The following ZDHHC9 variants were observed in gnomAD, a reference collection of about 807,000 sequenced individuals.
The protein encoded by ZDHHC9 is zDHHC palmitoyltransferase 9, also known as palmitoyltransferase ZDHHC9.
In ZDHHC9, 3 loss-of-function variants were observed where a neutral mutation model predicts 26.6. The ratio of observed to expected loss-of-function variants is 0.11; its 90% CI spans 0.05 to 0.29. ZDHHC9 has a LOEUF of 0.29. Ranked by LOEUF, ZDHHC9 falls within the 10% of genes least tolerant of loss-of-function variation. The probability of loss-of-function intolerance (pLI) is 1.00; values close to 1 mark genes in which losing one functional copy is unlikely to be tolerated. For missense variants in ZDHHC9, 146 were observed against 296.4 expected (o/e 0.49, Z 3.73); for synonymous variants, 111 against 109.4 (o/e 1.01, Z -0.09).
intron 3 of ZDHHC9, 22 bp from the exon 4 acceptor site, chrX:129,829,163 G>T (rs1198135410): frequency 1.7e-6 from 2 of 1,208,095 alleles, no homozygotes; most frequent in Admixed American, 2.2e-5. Context: ...AGGCAATTCA[G>T]CATTTAATGA....
chrX:129,841,977 C>A lies in ZDHHC9; in HGVS notation c.-32G>T. ...AATTCCTGCTCCAAAATGGGTTTTG[C>A]GATTACACGAGAGAAGAAACAGAGG... On this transcript the variant is annotated 5_prime_UTR_variant, in exon 3 of 11. Coordinates refer to ENST00000357166, the MANE Select transcript of ZDHHC9 (RefSeq NM_016032.4). 8.3e-7 allele frequency: 1 copy of A among 1,209,038 alleles called. No homozygotes were observed. The highest frequency in any genetic ancestry group is 1.1e-6 in the Non-Finnish European group (1 of 893,434).
chrX:129,810,089 G>A (rs1028754408), intron 10 of ZDHHC9, among the ~76,000 whole-genome samples: 10 of 109,438 alleles, frequency 9.1e-5, no homozygotes, highest in Non-Finnish European at 1.5e-4. Flanking sequence ...GGTGGCTCAC[G>A]CCTGTAATCC....
intron 8 of ZDHHC9, among the ~76,000 whole-genome samples, chrX:129,811,920 A>G (rs1927650838): frequency 8.9e-6 from 1 of 112,000 alleles, no homozygotes; most frequent in East Asian, 2.8e-4. Context: ...TACATAATAT[A>G]AACACATAAA....
chrX:129,834,039 G>A (rs1206168879), intron 3 of ZDHHC9, among the ~76,000 whole-genome samples: 1 of 111,718 alleles, frequency 9.0e-6, no homozygotes, highest in Non-Finnish European at 1.9e-5. Context: ...ATGGATTTTG[G>A]AGGTGGGGCC....
chrX:129,823,673 A>G lies in ZDHHC9; in HGVS notation c.487+6T>C. The stretch of plus-strand genomic sequence containing the variant: ...CCCTAGGCAATGTCCCTGTAGTTTT[A>G]CTCACCCACACAGTTGTCACAGATG... On this transcript the variant is annotated splice_donor_region_variant and intron_variant, in intron 5 of 10. Coordinates refer to ENST00000357166, the MANE Select transcript of ZDHHC9 (RefSeq NM_016032.4). 8.3e-7 allele frequency: 1 copy of G among 1,211,804 alleles called. No individual in the cohort carries two copies. The highest frequency in any genetic ancestry group is 1.1e-6 in the Non-Finnish European group (1 of 895,416).
chrX:129,842,564 T>TGGGGGGTGGGGA (rs1928406945), intron 2 of ZDHHC9, among the ~76,000 whole-genome samples: 1 of 112,577 alleles, frequency 8.9e-6, no homozygotes, highest in Admixed American at 9.3e-5. Context: ...TTTCTGTCCT[T>TGGGGGGTGGGGA]ATAAAACCTC....
Position 129,806,090 on chromosome X carries a change from G to A in ZDHHC9, c.*280C>T. 2.9e-6 allele frequency: 1 copy of A among 346,937 alleles called. No homozygotes were observed. Among genetic ancestry groups the A allele is most frequent in the Non-Finnish European group, 5.1e-6 (1 of 194,999 alleles). The allele number at this position is 346,937 out of a possible 1,213,427, so 28.6% of individuals were successfully genotyped here. On this transcript the variant is annotated 3_prime_UTR_variant, in exon 11 of 11. Transcript: ENST00000357166. ...CTGGAGGGAAGAGAGGGGGTCCAAG[G>A]GGACCCTGTGGCTGAGGCCATGGAG...
intron 8 of ZDHHC9, 60 bp downstream of exon 8, chrX:129,812,658 G>A (rs1927668534): frequency 9.8e-7 from 1 of 1,015,455 alleles, no homozygotes; most frequent in Non-Finnish European, 1.4e-6. Flanking sequence ...CTAGCAGGTA[G>A]CAAGAGGATA....
In ZDHHC9 at chrX:129,832,736, T is replaced by A. The variant is rs780379726; in HGVS notation, c.168-3595A>T. On this transcript the variant is annotated intron_variant, in intron 3 of 10. Transcript: ENST00000357166. ...AGGTGGAGCTTGCAGTGAGCGGAGA[T>A]CGTGCCACTGCACTCCAGCCTGGGT... 1.6e-3 allele frequency among the ~76,000 whole-genome samples: 173 copies of A among 109,996 alleles called. 1 individual carries two copies. The highest frequency in any genetic ancestry group is 5.6e-3 in the African/African-American group (167 of 29,918).
intron 5 of ZDHHC9, among the ~76,000 whole-genome samples, chrX:129,820,728 T>G (rs1296210972): frequency 1.8e-5 from 2 of 112,035 alleles, no homozygotes; most frequent in Non-Finnish European, 3.8e-5. Context: ...TTCCTTATAG[T>G]TAAGAGTATT....
chrX:129,814,793 G>T lies in ZDHHC9; in HGVS notation c.490C>A (p.Arg164Ser). 1 of 1,211,206 alleles carries T rather than the reference G, an allele frequency of 8.3e-7. No homozygotes were observed. Among genetic ancestry groups the T allele is most frequent in the Non-Finnish European group, 1.1e-6 (1 of 895,214 alleles). The change falls in exon 6 of 11, where the codon CGC (arginine) becomes AGC (serine). Residue 164 changes from arginine (R) to serine (S), a missense_variant and splice_region_variant. Physicochemically the swap from Arg to Ser is moderately radical, Grantham distance 110. Around this residue, in one of 2 missense-constraint regions of ZDHHC9, gnomAD observed 100 missense variants for 250.0 expected, o/e 0.40. Coordinates refer to ENST00000357166, the MANE Select transcript of ZDHHC9 (RefSeq NM_016032.4). ...ACCCAGGGGCAGTGATGGTCGAAGC[G>T]CTCTGTGGGAGAAAGAGAGAGTCCA... ...HCSICDNCVE[R>S]FDHHCPWVGN...
chrX:129,819,214 T>C (rs1927828851), intron 5 of ZDHHC9, among the ~76,000 whole-genome samples: 1 of 103,152 alleles, frequency 9.7e-6, no homozygotes, highest in South Asian at 4.3e-4. Flanking sequence ...AATATATCAA[T>C]TTGAAAGAAA....
chrX:129,841,168 T>C (rs1928372886), intron 3 of ZDHHC9, among the ~76,000 whole-genome samples: 1 of 110,691 alleles, frequency 9.0e-6, no homozygotes, highest in South Asian at 3.8e-4. Context: ...AGAAAAAAAA[T>C]CACTCCAAGG....
intron 4 of ZDHHC9, among the ~76,000 whole-genome samples, chrX:129,828,254 C>CA (rs1353669423): frequency 9.0e-6 from 1 of 111,574 alleles, no homozygotes. Flanking sequence ...CAGCTTTCAT[C>CA]AAAAAACCAA....
intron 6 of ZDHHC9, among the ~76,000 whole-genome samples, chrX:129,813,962 G>C (rs994281510): frequency 2.7e-4 from 30 of 112,231 alleles, no homozygotes; most frequent in African/African-American, 9.4e-4. Flanking sequence ...AGGCAGAAGA[G>C]CAGCAGGCTC....
Position 129,814,697 on chromosome X carries a change from T to C in ZDHHC9, c.586A>G (p.Ile196Val), listed in dbSNP as rs1927719447. The C allele has an allele frequency of 8.3e-7, 1 of 1,210,547 alleles. No homozygotes were observed. Among genetic ancestry groups the C allele is most frequent in the African/African-American group, 1.7e-5 (1 of 57,522 alleles). The change falls in exon 6 of 11, where the codon ATC becomes GTC. Residue 196 changes from isoleucine to valine, a missense_variant. Ile to Val is a conservative substitution (Grantham distance 29). This residue lies in a region of ZDHHC9 where 100 missense variants were observed against 250.0 expected (regional missense o/e 0.40). Coordinates refer to ENST00000357166, the MANE Select transcript of ZDHHC9 (RefSeq NM_016032.4). ...LFILSLSLLT[I>V]YVFAFNIVYV... ...ACGATGTTGAAGGCGAAGACATAGATTGTGAGGAGGGAGAGAGAAAGGATG... is the reference window on the plus strand; with the variant it reads ...ACGATGTTGAAGGCGAAGACATAGACTGTGAGGAGGGAGAGAGAAAGGATG...
intron 3 of ZDHHC9, among the ~76,000 whole-genome samples, chrX:129,840,210 G>GGA (rs1386165217): frequency 9.8e-6 from 1 of 101,902 alleles, no homozygotes; most frequent in African/African-American, 3.7e-5. Flanking sequence ...CCTGGGCCCA[G>GGA]AACTACCAAC....
chrX:129,814,574 G>A (rs1034584882), intron 6 of ZDHHC9, 84 bp downstream of exon 6: 149 of 1,170,070 alleles, frequency 1.3e-4, no homozygotes, highest in Non-Finnish European at 1.1e-4. Context: ...GTACCACCAG[G>A]AAACCCAACA....
At chrX:129,839,505 G>A (rs1024416263) in intron 3 of ZDHHC9, among the ~76,000 whole-genome samples, 7 of 111,457 alleles carry the variant, frequency 6.3e-5, no homozygotes. Flanking sequence ...GAGCCACTGC[G>A]CTAAGTCCTA....
Sources: gnomAD v4.1 joint callset for allele counts (sites outside exome capture counted in the v4.1 genomes callset) on GRCh38, gnomAD v4.1.1 for gene constraint, gnomAD v4.1.1 regional missense constraint, MANE v1.5 for transcripts, NCBI Gene and HGNC (gene_info 2026-07-23, HGNC 2026-07-21) for gene names.